The following PDE10A variants were observed in gnomAD, a reference collection of about 807,000 sequenced individuals.
The protein encoded by PDE10A is cAMP and cAMP-inhibited cGMP 3',5'-cyclic phosphodiesterase 10A.
Under a neutral mutation model 97.7 loss-of-function variants are expected in PDE10A, and 39 were observed. The observed-to-expected ratio is 0.40, with a 90% CI of 0.31 to 0.52. PDE10A has a LOEUF of 0.52. Ranked by LOEUF, PDE10A falls within the 20% of genes least tolerant of loss-of-function variation. The pLI is 0.56. For synonymous variants in PDE10A, 371 were observed against 376.8 expected (o/e 0.98, Z 0.18); for missense variants, 731 against 1,047.8 (o/e 0.70, Z 4.17).
At chr6:165,411,093 A>G (rs937811453) in intron 13 of PDE10A, among the ~76,000 whole-genome samples, 4 of 147,372 alleles carry the variant, frequency 2.7e-5, no homozygotes, top group Non-Finnish European at 4.5e-5. Context: ...CCTCAAAAAA[A>G]AAAAAAAAAA....
At chr6:165,399,429 T>C (rs1296603764) in intron 13 of PDE10A, among the ~76,000 whole-genome samples, 2 of 152,178 alleles carry the variant, frequency 1.3e-5, no homozygotes, top group African/African-American at 4.8e-5. Flanking sequence ...CCAATACTTA[T>C]TATAAAGGTT....
intron 18 of PDE10A, among the ~76,000 whole-genome samples, chr6:165,364,585 A>G (rs1251314581): frequency 6.6e-6 from 1 of 152,204 alleles, no homozygotes; most frequent in Non-Finnish European, 1.5e-5. Context: ...GGAAAAAGGT[A>G]GAGTGGTGGC....
intron 1 of PDE10A, among the ~76,000 whole-genome samples, chr6:165,628,842 A>AT: frequency 6.6e-6 from 1 of 152,276 alleles, no homozygotes. Flanking sequence ...TTGTGATAGC[A>AT]TTTTTTCATA....
chr6:165,682,196 G>A (rs1457467166), intron 1 of PDE10A, among the ~76,000 whole-genome samples: 5 of 152,068 alleles, frequency 3.3e-5, no homozygotes, highest in Admixed American at 1.3e-4. Flanking sequence ...CAGTGGCTGC[G>A]ATCACGGCTC....
intron 16 of PDE10A, among the ~76,000 whole-genome samples, chr6:165,391,670 T>TA (rs999374391): frequency 6.6e-5 from 10 of 152,150 alleles, no homozygotes; most frequent in Non-Finnish European, 1.0e-4. Flanking sequence ...AAGATTGTTT[T>TA]AAAAAAAGCA....
chr6:165,775,064 G>A (rs1036470323), intron 1 of PDE10A: 4 of 152,156 alleles, frequency 2.6e-5, no homozygotes, highest in African/African-American at 9.7e-5. Flanking sequence ...TGGGCAAGGA[G>A]GGAACTGGTG....
intron 1 of PDE10A, among the ~76,000 whole-genome samples, chr6:165,570,918 C>T (rs1247779811): frequency 1.3e-5 from 2 of 152,186 alleles, no homozygotes. Context: ...CAATACATAA[C>T]CCTACTCTGT....
At chr6:165,680,849 A>C (rs1441975708) in intron 1 of PDE10A, among the ~76,000 whole-genome samples, 2 of 152,134 alleles carry the variant, frequency 1.3e-5, no homozygotes, top group Non-Finnish European at 2.9e-5. Flanking sequence ...GTGCCATTGC[A>C]CTCCAGCCTG....
At chr6:165,557,737 C>T (rs1784328285) in intron 1 of PDE10A, among the ~76,000 whole-genome samples, 1 of 152,046 alleles carries the variant, frequency 6.6e-6, no homozygotes, top group African/African-American at 2.4e-5. Context: ...ATTTATATTT[C>T]CTCAATGCAA....
chr6:165,489,429 G>C (rs1249128510), intron 2 of PDE10A, among the ~76,000 whole-genome samples: 1 of 152,190 alleles, frequency 6.6e-6, no homozygotes. Context: ...CACCCCATGG[G>C]ATAAAAGAAT....
chr6:165,398,053 A>G (rs897075179), intron 13 of PDE10A, among the ~76,000 whole-genome samples: 21 of 152,238 alleles, frequency 1.4e-4, no homozygotes, highest in Non-Finnish European at 8.8e-5. Flanking sequence ...AAATGAAAGT[A>G]CTATATTTAA....
chr6:165,817,993 C>G (rs1236782770), intron 1 of PDE10A, among the ~76,000 whole-genome samples: 1 of 152,206 alleles, frequency 6.6e-6, no homozygotes, highest in Non-Finnish European at 1.5e-5. Flanking sequence ...TGACATTGCA[C>G]ATCGTACTTC....
At chr6:165,961,998 C>T (rs1252394128) in intron 1 of PDE10A, among the ~76,000 whole-genome samples, 1 of 152,154 alleles carries the variant, frequency 6.6e-6, no homozygotes, top group Non-Finnish European at 1.5e-5. Flanking sequence ...AATTTCAAAT[C>T]CTTACAGCTC....
chr6:165,946,146 G>C (rs754149062), intron 1 of PDE10A, among the ~76,000 whole-genome samples: 3 of 152,210 alleles, frequency 2.0e-5, no homozygotes, highest in Non-Finnish European at 2.9e-5. Flanking sequence ...GGTTCAATGA[G>C]ACAGAAGGAA....
At chr6:165,448,818 A>T in intron 5 of PDE10A, 110 bp downstream of exon 5, 1 of 685,180 alleles carries the variant, frequency 1.5e-6, no homozygotes, top group Non-Finnish European at 2.5e-6. Context: ...ACACAAAATG[A>T]TTTAAATGAA....
At chr6:165,889,859 C>T (rs1291831935) in intron 1 of PDE10A, among the ~76,000 whole-genome samples, 2 of 147,934 alleles carry the variant, frequency 1.4e-5, no homozygotes, top group Non-Finnish European at 3.0e-5. Context: ...TCACTCCTCC[C>T]TCACTCACTC....
At chr6:165,898,476 T>C (rs1782017387) in intron 1 of PDE10A, among the ~76,000 whole-genome samples, 1 of 151,996 alleles carries the variant, frequency 6.6e-6, no homozygotes, top group Non-Finnish European at 1.5e-5. Context: ...GCACGAAACC[T>C]GGAGATTGGG....
In PDE10A at chr6:165,866,235, T is replaced by A. The variant is rs933517101; in HGVS notation, c.-615+121294A>T. ...ATATGTGTGTGACTAAAATGCATTG[T>A]AGAGATAATTTAGTTACTTAAAATC... On this transcript the variant is annotated intron_variant, in intron 1 of 19. Transcript: ENST00000366882. Among the ~76,000 whole-genome samples the A allele has an allele frequency of 7.2e-5, 11 of 152,146 alleles. 1 individual carries two copies. Among genetic ancestry groups the A allele is most frequent in the Admixed American group, 7.2e-4 (11 of 15,284 alleles).
At chr6:165,646,494 A>G (rs907270014) in intron 1 of PDE10A, among the ~76,000 whole-genome samples, 1 of 152,264 alleles carries the variant, frequency 6.6e-6, no homozygotes, top group Non-Finnish European at 1.5e-5. Flanking sequence ...GAGAAATTAC[A>G]CAGAGCTGAG....
Sources: gnomAD v4.1 joint callset for allele counts (sites outside exome capture counted in the v4.1 genomes callset) on GRCh38, gnomAD v4.1.1 for gene constraint, MANE v1.5 for transcripts, NCBI Gene and HGNC (gene_info 2026-07-23, HGNC 2026-07-21) for gene names.